The following EYS variants were observed in gnomAD, a reference collection of about 807,000 sequenced individuals.
EYS encodes the protein EGF-like photoreceptor maintenance factor, also known as protein eyes shut homolog.
In EYS, 250 loss-of-function variants were observed where a neutral mutation model predicts 282.1. The observed-to-expected ratio is 0.89, with a 90% CI of 0.80 to 0.98. The LOEUF is 0.98. EYS is among the 50% of genes least tolerant of loss of function. The pLI is 0.00. For synonymous variants in EYS, 1,355 were observed against 1,282.9 expected (o/e 1.06, Z -1.20); for missense variants, 4,016 against 3,709.0 (o/e 1.08, Z -2.15).
chr6:64,870,975 T>G (rs899763786), intron 19 of EYS, among the ~76,000 whole-genome samples: 1 of 151,804 alleles, frequency 6.6e-6, no homozygotes, highest in African/African-American at 2.4e-5. Context: ...ATACACACTG[T>G]GGAAGTCTCA....
chr6:64,882,682 T>A (rs548974467), intron 19 of EYS, among the ~76,000 whole-genome samples: 1 of 151,818 alleles, frequency 6.6e-6, no homozygotes, highest in Non-Finnish European at 1.5e-5. Context: ...TACAGATGCA[T>A]AATGTGTAAT....
intron 5 of EYS, among the ~76,000 whole-genome samples, chr6:65,434,139 T>C (rs148858843): frequency 2.9e-4 from 44 of 152,314 alleles, no homozygotes; most frequent in African/African-American, 9.6e-4. Flanking sequence ...TAGTGCAGCA[T>C]AGTGCTGAGA....
intron 13 of EYS, among the ~76,000 whole-genome samples, chr6:65,006,966 A>T (rs1343054305): frequency 1.3e-5 from 2 of 152,204 alleles, no homozygotes; most frequent in Non-Finnish European, 2.9e-5. Flanking sequence ...ATGCATCTTG[A>T]TGGGGCAGCT....
chr6:64,714,611 C>G (rs1231502883), intron 22 of EYS, among the ~76,000 whole-genome samples: 3 of 151,114 alleles, frequency 2.0e-5, no homozygotes, highest in African/African-American at 7.3e-5. Flanking sequence ...CTGCAAGCTC[C>G]GCCTCCCGGG....
intron 35 of EYS, among the ~76,000 whole-genome samples, chr6:63,963,076 A>C (rs975836726): frequency 2.3e-5 from 3 of 133,216 alleles, no homozygotes; most frequent in African/African-American, 8.3e-5. Context: ...ACTTGGACAC[A>C]GGAAGGGGAA....
At chr6:65,215,014 C>T (rs1027503755) in intron 12 of EYS, among the ~76,000 whole-genome samples, 6 of 152,066 alleles carry the variant, frequency 3.9e-5, no homozygotes, top group Non-Finnish European at 7.3e-5. Flanking sequence ...ATACAAAGTA[C>T]CTGCTTACCC....
intron 37 of EYS, among the ~76,000 whole-genome samples, chr6:63,795,495 A>T (rs1770623220): frequency 6.6e-6 from 1 of 152,222 alleles, no homozygotes; most frequent in Non-Finnish European, 1.5e-5. Context: ...TGCAGAAGGT[A>T]TGGGTGGTAG....
At chr6:64,451,958 A>T (rs893645558) in intron 26 of EYS, among the ~76,000 whole-genome samples, 1 of 152,234 alleles carries the variant, frequency 6.6e-6, no homozygotes, top group African/African-American at 2.4e-5. Flanking sequence ...CAAGACAGGG[A>T]TGCCCTCTCT....
intron 31 of EYS, among the ~76,000 whole-genome samples, chr6:64,105,835 C>T (rs974263085): frequency 8.5e-5 from 13 of 152,066 alleles, no homozygotes; most frequent in African/African-American, 2.4e-4. Context: ...TTTCTTGCTT[C>T]GAAGTCTGCT....
chr6:64,906,898 A>G (rs994173886), intron 16 of EYS, among the ~76,000 whole-genome samples: 5 of 152,210 alleles, frequency 3.3e-5, no homozygotes, highest in African/African-American at 1.2e-4. Context: ...ATTAGAAAAG[A>G]AATTATTTAA....
chr6:65,467,833 A>T (rs1765062915), intron 5 of EYS, among the ~76,000 whole-genome samples: 1 of 152,158 alleles, frequency 6.6e-6, no homozygotes, highest in Non-Finnish European at 1.5e-5. Flanking sequence ...TATATTAAGA[A>T]GAATGTGTAG....
intron 13 of EYS, among the ~76,000 whole-genome samples, chr6:65,054,859 T>C (rs1334965520): frequency 6.6e-6 from 1 of 152,096 alleles, no homozygotes; most frequent in Non-Finnish European, 1.5e-5. Context: ...TAGTATTTAG[T>C]ATATGAAGGT....
intron 28 of EYS, among the ~76,000 whole-genome samples, chr6:64,429,293 A>G (rs1409707873): frequency 6.6e-6 from 1 of 152,176 alleles, no homozygotes; most frequent in Non-Finnish European, 1.5e-5. Context: ...AGCCCCTAAA[A>G]GGTGATTGGT....
chr6:65,174,302 C>T (rs760088193), intron 12 of EYS, among the ~76,000 whole-genome samples: 3 of 151,252 alleles, frequency 2.0e-5, no homozygotes, highest in Non-Finnish European at 4.4e-5. Context: ...CATCATTGTC[C>T]ACAAATATTT....
intron 21 of EYS, among the ~76,000 whole-genome samples, chr6:64,818,488 C>G (rs191343707): frequency 6.6e-6 from 1 of 152,178 alleles, no homozygotes; most frequent in African/African-American, 2.4e-5. Context: ...CTACAATAGG[C>G]CGTCTGCAAG....
intron 35 of EYS, among the ~76,000 whole-genome samples, chr6:63,944,057 A>G (rs886501221): frequency 3.3e-5 from 5 of 152,174 alleles, no homozygotes; most frequent in African/African-American, 1.2e-4. Context: ...AGACAGAGAG[A>G]TGCAGAGCGC....
chr6:64,297,135 C>G (rs1307512044), intron 30 of EYS, among the ~76,000 whole-genome samples: 2 of 152,116 alleles, frequency 1.3e-5, no homozygotes, highest in Non-Finnish European at 1.5e-5. Context: ...AGAAAGGATC[C>G]TCTTCTTCAC....
chr6:64,817,249 A>G (rs1471364214), intron 21 of EYS, among the ~76,000 whole-genome samples: 1 of 152,164 alleles, frequency 6.6e-6, no homozygotes, highest in Non-Finnish European at 1.5e-5. Context: ...AACTTGTTAA[A>G]TAAGTCCCTT....
chr6:64,333,873 G>GT (rs1245357987), intron 29 of EYS, among the ~76,000 whole-genome samples: 2 of 152,180 alleles, frequency 1.3e-5, no homozygotes, highest in Non-Finnish European at 2.9e-5. Flanking sequence ...TTCATGTTAT[G>GT]TATGTGGAGG....
Sources: allele counts gnomAD v4.1 joint callset (sites outside exome capture counted in the v4.1 genomes callset), GRCh38; gene constraint gnomAD v4.1.1; transcripts MANE v1.5; gene names NCBI Gene and HGNC (gene_info 2026-07-23, HGNC 2026-07-21).